Variants in ITGB3BP observed in about 807,000 individuals in gnomAD.
ITGB3BP encodes the protein integrin subunit beta 3 binding protein, also known as centromere protein R.
A neutral mutation model predicts 29.1 loss-of-function variants in ITGB3BP; 27 were observed. That is an observed-to-expected ratio of 0.93 (90% confidence interval 0.68 to 1.28). The LOEUF is 1.28. Ranked by LOEUF, ITGB3BP falls within the 50% of genes most tolerant of loss-of-function variation. ITGB3BP has a pLI of 0.00. For missense variants in ITGB3BP, 192 were observed against 200.2 expected (o/e 0.96, Z 0.25); for synonymous variants, 61 against 61.4 (o/e 0.99, Z 0.03).
intron 1 of ITGB3BP, among the ~76,000 whole-genome samples, chr1:63,509,626 G>T (rs183296363): frequency 2.0e-5 from 3 of 152,118 alleles, no homozygotes; most frequent in African/African-American, 7.2e-5. Flanking sequence ...ATACAGTACA[G>T]AAATTTAATC....
chr1:63,528,708 A>G (rs1419257965), intron 2 of ITGB3BP, among the ~76,000 whole-genome samples: 2 of 152,170 alleles, frequency 1.3e-5, no homozygotes, highest in Non-Finnish European at 2.9e-5. Context: ...AAAGATTTAA[A>G]AAAAAGAACC....
At chr1:63,498,689 A>G (rs568718250) in intron 2 of ITGB3BP, among the ~76,000 whole-genome samples, 90 of 144,628 alleles carry the variant, frequency 6.2e-4, no homozygotes, top group African/African-American at 2.2e-3. Context: ...AAGCAGAAGG[A>G]AAAAAAAAAA....
At position 63,479,243 on chromosome 1, in the gene ITGB3BP, G is replaced by A. The variant is rs538685111; in HGVS notation, c.185-410C>T. 2.6e-5 allele frequency among the ~76,000 whole-genome samples: 4 copies of A among 152,142 alleles called. No individual in the cohort carries two copies. In the South Asian group the frequency reaches 8.3e-4, roughly 32 times the overall value. On this transcript the variant is annotated intron_variant, in intron 3 of 8. Transcript: ENST00000271002. ...CTCAAGTTAACAACAAGGGATTGGT[G>A]ATACCGATACTCAGAAAATAGTTAA...
At chr1:63,449,222 T>A (rs1644829781) in intron 7 of ITGB3BP, 1 of 152,516 alleles carries the variant, frequency 6.6e-6, no homozygotes, top group Admixed American at 6.5e-5. Flanking sequence ...AGAAAACCAG[T>A]CAGAATTATT....
At chr1:63,523,324 GC>G, upstream of ITGB3BP, 1 of 714,134 alleles carries the variant, frequency 1.4e-6, no homozygotes, top group Non-Finnish European at 2.4e-6. Context: ...AAAGGAGCGA[GC>G]GGGGAGTTCT....
intron 1 of ITGB3BP, among the ~76,000 whole-genome samples, chr1:63,510,795 C>A (rs1047675167): frequency 1.3e-5 from 2 of 152,006 alleles, no homozygotes; most frequent in Non-Finnish European, 2.9e-5. Context: ...GAAGAGCAAA[C>A]CCACTACAGA....
chr1:63,498,428 T>TA (rs1359840955), intron 2 of ITGB3BP, among the ~76,000 whole-genome samples: 39 of 152,130 alleles, frequency 2.6e-4, no homozygotes, highest in Admixed American at 2.5e-3. Flanking sequence ...AATACACAAA[T>TA]ATGTGTAAAT....
At chr1:63,504,307 C>G (rs1646017529) in intron 2 of ITGB3BP, among the ~76,000 whole-genome samples, 1 of 151,834 alleles carries the variant, frequency 6.6e-6, no homozygotes, top group Non-Finnish European at 1.5e-5. Context: ...TGATTTGGCT[C>G]TGTTTGTCTG....
chr1:63,476,056 CTG>C (rs1313625227), intron 4 of ITGB3BP, among the ~76,000 whole-genome samples: 1 of 149,720 alleles, frequency 6.7e-6, no homozygotes, highest in Non-Finnish European at 1.5e-5. Context: ...GATGGTCTCA[CTG>C]TGTTACCTAG....
At chr1:63,482,110 T>C (rs568216028) in intron 3 of ITGB3BP, among the ~76,000 whole-genome samples, 1 of 151,644 alleles carries the variant, frequency 6.6e-6, no homozygotes, top group East Asian at 1.9e-4. Flanking sequence ...CTGTCTCTAC[T>C]AAAATACAAA....
chr1:63,524,984 G>A (rs1250611540), upstream of ITGB3BP, among the ~76,000 whole-genome samples: 3 of 152,108 alleles, frequency 2.0e-5, no homozygotes, highest in African/African-American at 4.8e-5. Context: ...TGAAATGTGG[G>A]GCTGCATTAT....
intron 1 of ITGB3BP, among the ~76,000 whole-genome samples, chr1:63,509,747 T>A (rs1646157034): frequency 1.3e-5 from 2 of 152,176 alleles, no homozygotes; most frequent in Admixed American, 6.5e-5. Flanking sequence ...CTACTTAATA[T>A]CAATTTAATC....
At chr1:63,472,821 G>A (rs1451062661) in intron 4 of ITGB3BP, among the ~76,000 whole-genome samples, 1 of 151,812 alleles carries the variant, frequency 6.6e-6, no homozygotes, top group African/African-American at 2.4e-5. Flanking sequence ...ATCTCGGCTC[G>A]CTACAACCTC....
At chr1:63,477,815 C>A (rs181162388) in intron 4 of ITGB3BP, among the ~76,000 whole-genome samples, 9 of 152,012 alleles carry the variant, frequency 5.9e-5, no homozygotes, top group Admixed American at 5.9e-4. Flanking sequence ...ATAGAAGATA[C>A]ACTGAAATGG....
Position 63,454,609 on chromosome 1 carries a change from G to T in ITGB3BP, c.334-136C>A. 1 of 476,370 alleles carries T rather than the reference G, an allele frequency of 2.1e-6. No homozygotes were observed. Among genetic ancestry groups the T allele is most frequent in the Non-Finnish European group, 3.8e-6 (1 of 266,428 alleles). 29.5% of individuals were successfully genotyped at this position (476,370 alleles called of 1,614,324 possible). On this transcript the variant is annotated intron_variant, in intron 5 of 8. Transcript: ENST00000271002. This position sits in a 1 kb window ranked among gnomAD's most constrained non-coding sequence, Gnocchi z 4.1. ...ATGTTAGGATATTTAACTGTTTCTG[G>T]CAGGCCAACTATTTCAAGCCCAAAA...
At chr1:63,506,747 G>A (rs936763811) in intron 2 of ITGB3BP, among the ~76,000 whole-genome samples, 1 of 152,094 alleles carries the variant, frequency 6.6e-6, no homozygotes, top group African/African-American at 2.4e-5. Context: ...TGGCATATAA[G>A]GGCCATCTCT....
chr1:63,485,107 T>C (rs1203795326), intron 3 of ITGB3BP, among the ~76,000 whole-genome samples: 1 of 152,106 alleles, frequency 6.6e-6, no homozygotes, highest in Non-Finnish European at 1.5e-5. Flanking sequence ...CTTATGTCTT[T>C]TCTTAAAGTC....
At chr1:63,463,683 C>T (rs566893548) in intron 4 of ITGB3BP, among the ~76,000 whole-genome samples, 2 of 152,242 alleles carry the variant, frequency 1.3e-5, no homozygotes, top group South Asian at 4.1e-4. Flanking sequence ...ATATATATTC[C>T]TTGCAAAACA....
chr1:63,510,963 G>A (rs9436685), intron 1 of ITGB3BP, among the ~76,000 whole-genome samples: 51,445 of 151,950 alleles, frequency 0.34, 8,938 homozygotes, highest in East Asian at 0.48. Flanking sequence ...AATTTGATTA[G>A]ATATATGGGA....
Sources: gnomAD v4.1 joint callset for allele counts (sites outside exome capture counted in the v4.1 genomes callset) on GRCh38, gnomAD v4.1.1 for gene constraint, Gnocchi (gnomAD v3.1) non-coding constraint, MANE v1.5 for transcripts, NCBI Gene and HGNC (gene_info 2026-07-23, HGNC 2026-07-21) for gene names.